The following SH3GLB1 variants were observed in gnomAD, a reference collection of about 807,000 sequenced individuals.
SH3GLB1 encodes the protein endophilin-B1.
In SH3GLB1, 17 loss-of-function variants were observed where a neutral mutation model predicts 42.0. That is an observed-to-expected ratio of 0.40 (90% confidence interval 0.28 to 0.61). The LOEUF is 0.61. SH3GLB1 is among the 20% of genes least tolerant of loss of function. The pLI, the probability that SH3GLB1 is intolerant of heterozygous loss-of-function variation, is 0.36. For missense variants in SH3GLB1, 355 were observed against 426.3 expected (o/e 0.83, Z 1.47); for synonymous variants, 132 against 146.6 (o/e 0.90, Z 0.72).
chr1:86,719,443 A>G (rs1349006937), intron 2 of SH3GLB1, 64 bp from the exon 3 acceptor site: 4 of 1,482,258 alleles, frequency 2.7e-6, no homozygotes, highest in South Asian at 2.6e-5. Context: ...GATGGGGGAA[A>G]AAAACAATCT....
chr1:86,738,628 A>G (rs1402447507), intron 7 of SH3GLB1: 1 of 151,726 alleles, frequency 6.6e-6, no homozygotes, highest in East Asian at 2.0e-4. Flanking sequence ...GAGGTCAAGA[A>G]TTATTGCAAG....
intron 3 of SH3GLB1, among the ~76,000 whole-genome samples, chr1:86,719,995 C>CAAAAAAAAAAAAAAAAAAAAA (rs570115346): frequency 3.2e-5 from 2 of 62,426 alleles, no homozygotes; most frequent in Non-Finnish European, 6.6e-5. Context: ...GACTCTGTCT[C>CAAAAAAAAAAAAAAAAAAAAA]AAAAAAAAAA....
intron 2 of SH3GLB1, among the ~76,000 whole-genome samples, chr1:86,717,170 A>G (rs1231979458): frequency 1.3e-5 from 2 of 152,186 alleles, no homozygotes; most frequent in Non-Finnish European, 2.9e-5. Context: ...AGTGAGTCCT[A>G]ATGTCTTTGG....
rs762285933 is a variant in SH3GLB1 at position 86,734,600 on chromosome 1, A to G, written c.571-2A>G. 1 of 1,603,130 alleles carries G rather than the reference A, an allele frequency of 6.2e-7. No individual in the cohort carries two copies. The highest frequency in any genetic ancestry group is 2.2e-5 in the East Asian group (1 of 44,742). ...GATTCTAAAACTATATTCTTACTTA[A>G]GTCTGAACAGGAATTAAGAATAACT... On this transcript the variant is annotated splice_acceptor_variant, in intron 5 of 8. Coordinates refer to ENST00000370558, the MANE Select transcript of SH3GLB1 (RefSeq NM_016009.5). LOFTEE classifies it high-confidence loss of function.
At chr1:86,722,510 A>C in intron 3 of SH3GLB1, 30 bp from the exon 4 acceptor site, 1 of 1,551,202 alleles carries the variant, frequency 6.4e-7, no homozygotes, top group Non-Finnish European at 8.7e-7. Context: ...TTACCAGACA[A>C]TGATTTTTAA....
chr1:86,729,580 A>G (rs1655395913), intron 5 of SH3GLB1, among the ~76,000 whole-genome samples: 1 of 152,074 alleles, frequency 6.6e-6, no homozygotes, highest in African/African-American at 2.4e-5. Context: ...AATTAACAGG[A>G]CTTTGTTTCA....
chr1:86,720,358 T>C (rs1020154772), intron 3 of SH3GLB1, among the ~76,000 whole-genome samples: 24 of 152,226 alleles, frequency 1.6e-4, no homozygotes, highest in African/African-American at 4.8e-4. Context: ...GTTATAATTT[T>C]GCAGTAATGT....
At chr1:86,739,437 C>T (rs1021453558) in intron 7 of SH3GLB1, among the ~76,000 whole-genome samples, 1 of 152,294 alleles carries the variant, frequency 6.6e-6, no homozygotes, top group East Asian at 1.9e-4. Context: ...AGTGAGAGGA[C>T]TACGAATTGA....
rs532683778 is a variant in SH3GLB1, at chr1:86,718,602, C to G, written c.215-905C>G. Among the ~76,000 whole-genome samples the G allele has an allele frequency of 6.8e-4, 103 of 152,096 alleles. 1 individual carries two copies. Among genetic ancestry groups the G allele is most frequent in the African/African-American group, 2.4e-3 (99 of 41,416 alleles). On this transcript the variant is annotated intron_variant, in intron 2 of 8. Transcript: ENST00000370558. ...TTTTCAGTGCACTGTGTGAAACTTC[C>G]GCATGCGTAGGAATCTATGTGAGGT... is the stretch of plus-strand genomic sequence containing the variant.
chr1:86,739,576 A>G (rs953647513), intron 7 of SH3GLB1, among the ~76,000 whole-genome samples: 1 of 152,184 alleles, frequency 6.6e-6, no homozygotes, highest in Admixed American at 6.5e-5. Context: ...AAGAATACGT[A>G]AATCTTTCAA....
intron 7 of SH3GLB1, among the ~76,000 whole-genome samples, chr1:86,736,825 A>C (rs1442982523): frequency 6.6e-6 from 1 of 152,236 alleles, no homozygotes; most frequent in Non-Finnish European, 1.5e-5. Flanking sequence ...AGGAAGTTTT[A>C]TCTCTTTAAT....
At chr1:86,728,474 T>C in intron 5 of SH3GLB1, 1 of 1,546,046 alleles carries the variant, frequency 6.5e-7, no homozygotes, top group Non-Finnish European at 8.7e-7. Context: ...ACTTCCTGCA[T>C]GTAAAATGGC....
At position 86,715,751 on chromosome 1, in the gene SH3GLB1, G is replaced by C; in HGVS notation, c.100G>C (p.Glu34Gln). ...CACAGAAGAAAAGCTTGGCCAGGCT[G>C]AGAAGACAGAATTGGATGCTCACTT... ...QFTEEKLGQA[E>Q]KTELDAHLEN... Residue 34 changes from glutamate (E) to glutamine (Q), a missense_variant, in exon 2 of 9, where the codon GAG becomes CAG. Transcript: ENST00000370558. The C allele has an allele frequency of 6.2e-7, 1 of 1,608,100 alleles. No individual in the cohort carries two copies. Among genetic ancestry groups the C allele is most frequent in the Non-Finnish European group, 8.5e-7 (1 of 1,178,658 alleles).
chr1:86,705,009 C>G (rs1192770145), intron 1 of SH3GLB1, 38 bp downstream of exon 1: 3 of 1,444,256 alleles, frequency 2.1e-6, no homozygotes, highest in South Asian at 2.5e-5. Context: ...TGGCGGCGCC[C>G]GGGAAGGTTG....
intron 7 of SH3GLB1, among the ~76,000 whole-genome samples, chr1:86,737,375 A>G (rs1313379775): frequency 2.0e-5 from 3 of 152,232 alleles, no homozygotes; most frequent in Admixed American, 6.5e-5. Context: ...GGCTAAAATC[A>G]TACTAGTAGA....
chr1:86,724,283 G>T (rs1298395795), intron 4 of SH3GLB1, 30 bp from the exon 5 acceptor site: 10 of 1,466,210 alleles, frequency 6.8e-6, no homozygotes, highest in Non-Finnish European at 9.3e-6. Context: ...AGCATCTTTA[G>T]CCCTTATTTT....
Position 86,704,914 on chromosome 1 carries a change from C to T in SH3GLB1, c.15C>T (p.Asp5=), listed in dbSNP as rs1235800445. 1 of 1,585,170 alleles carries T rather than the reference C, an allele frequency of 6.3e-7. No individual in the cohort carries two copies. Among genetic ancestry groups the T allele is most frequent in the Admixed American group, 1.7e-5 (1 of 57,334 alleles). MNIM[D]FNVKKLAADA... is the part of the protein sequence containing the mutation. ...TGCCGCCTAGGATGAATATCATGGACTTCAACGTGAAGAAGCTGGCGGCCG... is the reference window on the plus strand; with the variant it reads ...TGCCGCCTAGGATGAATATCATGGATTTCAACGTGAAGAAGCTGGCGGCCG... The change falls in exon 1 of 9, where the codon GAC becomes GAT. Residue 5 remains aspartate, a synonymous_variant. Coordinates refer to ENST00000370558, the MANE Select transcript of SH3GLB1 (RefSeq NM_016009.5).
chr1:86,739,529 T>C (rs1655954370), intron 7 of SH3GLB1, among the ~76,000 whole-genome samples: 1 of 152,144 alleles, frequency 6.6e-6, no homozygotes, highest in African/African-American at 2.4e-5. Flanking sequence ...GTAATGTTTG[T>C]AATATAAGAG....
intron 7 of SH3GLB1, among the ~76,000 whole-genome samples, chr1:86,741,992 A>G (rs548451882): frequency 6.6e-6 from 1 of 152,312 alleles, no homozygotes; most frequent in East Asian, 1.9e-4. Context: ...ACAGACTTTC[A>G]AGGATTTATA....
Sources: allele counts gnomAD v4.1 joint callset (sites outside exome capture counted in the v4.1 genomes callset), GRCh38; gene constraint gnomAD v4.1.1; transcripts MANE v1.5; gene names NCBI Gene and HGNC (gene_info 2026-07-23, HGNC 2026-07-21).